The following ESRRB variants were observed in gnomAD, a reference collection of about 807,000 sequenced individuals.
ESRRB encodes steroid hormone receptor ERR2.
ESRRB carries 16 observed loss-of-function variants against 46.0 expected under a neutral mutation model. That is an observed-to-expected ratio of 0.35 (90% confidence interval 0.24 to 0.53). The LOEUF is 0.53. ESRRB is among the 20% of genes least tolerant of loss of function. ESRRB has a pLI of 0.93. For missense variants in ESRRB, 488 were observed against 607.4 expected (o/e 0.80, Z 2.07); for synonymous variants, 246 against 259.6 (o/e 0.95, Z 0.50).
chr14:76,492,367 A>G (rs533824181), intron 6 of ESRRB, among the ~76,000 whole-genome samples: 98 of 152,022 alleles, frequency 6.4e-4, no homozygotes, highest in Non-Finnish European at 1.1e-3. Flanking sequence ...GGGTCTCACT[A>G]TGTTGCCCAG....
chr14:76,378,200 T>C (rs1884859099), intron 1 of ESRRB, among the ~76,000 whole-genome samples: 1 of 152,230 alleles, frequency 6.6e-6, no homozygotes, highest in African/African-American at 2.4e-5. Context: ...TATGTATTTG[T>C]CCCTGGCTCA....
chr14:76,418,083 T>C (rs1349268210), intron 1 of ESRRB, among the ~76,000 whole-genome samples: 2 of 151,522 alleles, frequency 1.3e-5, no homozygotes, highest in South Asian at 2.1e-4. Flanking sequence ...AGCTTCCTGA[T>C]TAGCTGGGAT....
intron 2 of ESRRB, among the ~76,000 whole-genome samples, chr14:76,449,672 C>T (rs1462393913): frequency 2.6e-5 from 4 of 151,858 alleles, no homozygotes; most frequent in Non-Finnish European, 4.4e-5. Flanking sequence ...GATTGTTGTT[C>T]AGTACAAAGT....
At chr14:76,323,647 A>AT (rs2139729113) in intron 1 of ESRRB, among the ~76,000 whole-genome samples, 1 of 152,230 alleles carries the variant, frequency 6.6e-6, no homozygotes, top group East Asian at 1.9e-4. Context: ...TCAAGTTCCC[A>AT]TGCTGGGGAG....
At chr14:76,427,308 C>G (rs1887244246) in intron 1 of ESRRB, among the ~76,000 whole-genome samples, 1 of 151,914 alleles carries the variant, frequency 6.6e-6, no homozygotes, top group Non-Finnish European at 1.5e-5. Flanking sequence ...TAGGATGTCT[C>G]TAAGAATATG....
In ESRRB at chr14:76,382,614, C is replaced by A. The variant is rs1885060486; in HGVS notation, c.50+6163C>A. Among the ~76,000 whole-genome samples the A allele has an allele frequency of 2.0e-5, 3 of 152,144 alleles. No individual in the cohort carries two copies. The South Asian group carries it at 6.2e-4, about 32-fold the overall frequency. On this transcript the variant is annotated intron_variant, in intron 1 of 6. Coordinates refer to ENST00000644823, the MANE Select transcript of ESRRB (RefSeq NM_001379180.1). ...TAAAGAGTCAACTCTTTTCTTAAAT[C>A]AAGGAAAATCATACTGGTTAATCAG...
At chr14:76,348,424 C>T (rs1884274682) in intron 1 of ESRRB, among the ~76,000 whole-genome samples, 1 of 152,152 alleles carries the variant, frequency 6.6e-6, no homozygotes, top group South Asian at 2.1e-4. Context: ...AGTATTCTTT[C>T]CTTGTGTCTA....
intron 1 of ESRRB, among the ~76,000 whole-genome samples, chr14:76,420,141 T>A (rs1010057087): frequency 6.6e-6 from 1 of 152,184 alleles, no homozygotes. Context: ...GAAACCAGCA[T>A]GAGCAAATGA....
intron 1 of ESRRB, among the ~76,000 whole-genome samples, chr14:76,420,038 G>T (rs1210342305): frequency 6.6e-6 from 1 of 152,194 alleles, no homozygotes; most frequent in African/African-American, 2.4e-5. Context: ...CACCATATTG[G>T]TCTCAGGCCA....
At chr14:76,425,537 C>T (rs1273484729) in intron 1 of ESRRB, among the ~76,000 whole-genome samples, 1 of 151,960 alleles carries the variant, frequency 6.6e-6, no homozygotes. Flanking sequence ...CCCCCTCCTC[C>T]TCCCTTCCAG....
chr14:76,365,800 G>C (rs60772130), intron 1 of ESRRB, among the ~76,000 whole-genome samples: 8,369 of 152,262 alleles, frequency 0.055, 353 homozygotes, highest in East Asian at 0.12. Flanking sequence ...TTGGAGAGGA[G>C]TATTTTATCA....
At chr14:76,435,779 C>T (rs1887648706) in intron 1 of ESRRB, among the ~76,000 whole-genome samples, 1 of 152,126 alleles carries the variant, frequency 6.6e-6, no homozygotes, top group South Asian at 2.1e-4. Context: ...TGCAGTGAGC[C>T]GAGATCACGC....
At chr14:76,383,406 G>T (rs1885092322) in intron 1 of ESRRB, among the ~76,000 whole-genome samples, 1 of 151,752 alleles carries the variant, frequency 6.6e-6, no homozygotes, top group Non-Finnish European at 1.5e-5. Context: ...AAGGGTCTTT[G>T]AGAATCATTG....
intron 1 of ESRRB, among the ~76,000 whole-genome samples, chr14:76,432,473 C>T (rs1277521886): frequency 6.6e-6 from 1 of 152,176 alleles, no homozygotes; most frequent in Non-Finnish European, 1.5e-5. Flanking sequence ...TCTCCTAGTC[C>T]TCCTGCCCTC....
intron 3 of ESRRB, among the ~76,000 whole-genome samples, chr14:76,480,017 GCCA>G (rs1269502665): frequency 2.0e-5 from 3 of 152,134 alleles, no homozygotes; most frequent in African/African-American, 7.2e-5. Context: ...ACAGGCACGT[GCCA>G]CCACACCTGG....
chr14:76,419,467 A>C (rs1224796366), intron 1 of ESRRB, among the ~76,000 whole-genome samples: 1 of 152,130 alleles, frequency 6.6e-6, no homozygotes, highest in Admixed American at 6.5e-5. Flanking sequence ...GGGGGTGAGA[A>C]TATTCACCCC....
intron 1 of ESRRB, among the ~76,000 whole-genome samples, chr14:76,436,106 G>A (rs1335693899): frequency 2.6e-5 from 4 of 152,158 alleles, no homozygotes; most frequent in African/African-American, 9.7e-5. Flanking sequence ...GACACTGCAG[G>A]ATGCAGGATG....
intron 3 of ESRRB, chr14:76,463,549 C>T (rs1322548823): frequency 6.7e-6 from 1 of 150,322 alleles, no homozygotes; most frequent in Non-Finnish European, 1.5e-5. Flanking sequence ...TGGGTTCACG[C>T]CATTCTCATG....
rs183602465 is a variant in ESRRB at position 76,468,999 on chromosome 14, A to G, written c.577+6338A>G. On this transcript the variant is annotated intron_variant, in intron 3 of 6. Transcript: ENST00000644823. ...ACCTGTTTTCTGCCTTCTTCTTGGT[A>G]GAATAGAGGTATTCCCAATCCTGAC... Among the ~76,000 whole-genome samples, 15 of 152,268 alleles carry G rather than the reference A, an allele frequency of 9.9e-5. No individual in the cohort carries two copies. The East Asian group carries it at 1.4e-3, about 14-fold the overall frequency.
Sources: allele counts gnomAD v4.1 joint callset (sites outside exome capture counted in the v4.1 genomes callset), GRCh38; gene constraint gnomAD v4.1.1; transcripts MANE v1.5; gene names NCBI Gene and HGNC (gene_info 2026-07-23, HGNC 2026-07-21).